Variants in ALKAL1 observed in about 807,000 individuals in gnomAD.
The protein encoded by ALKAL1 is AUG-beta.
Under a neutral mutation model 13.5 loss-of-function variants are expected in ALKAL1, and 23 were observed. The ratio of observed to expected loss-of-function variants is 1.70; its 90% CI spans 1.23 to 2.41. The LOEUF (loss-of-function observed/expected upper bound fraction) is 2.41, where lower values mean the gene tolerates loss of function less well. Ranked by LOEUF, ALKAL1 falls within the 30% of genes most tolerant of loss-of-function variation. The pLI, the probability that ALKAL1 is intolerant of heterozygous loss-of-function variation, is 0.00. For missense variants in ALKAL1, 181 were observed against 178.4 expected (o/e 1.01, Z -0.08); for synonymous variants, 85 against 77.7 (o/e 1.09, Z -0.49).
chr8:52,535,324 G>A (rs1400784592), intron 4 of ALKAL1, among the ~76,000 whole-genome samples: 1 of 151,130 alleles, frequency 6.6e-6, no homozygotes, highest in African/African-American at 2.4e-5. Context: ...AAGATGGGAG[G>A]ATCACTTGAG....
intron 1 of ALKAL1, among the ~76,000 whole-genome samples, chr8:52,556,868 G>T (rs145762620): frequency 6.6e-6 from 1 of 151,928 alleles, no homozygotes; most frequent in Non-Finnish European, 1.5e-5. Context: ...TTAAGGTGTG[G>T]CTATTTTAAC....
In ALKAL1 at chr8:52,558,157, C is replaced by T. The variant is rs188819355; in HGVS notation, c.190+6910G>A. On this transcript the variant is annotated intron_variant, in intron 1 of 4. Coordinates refer to ENST00000358543, the MANE Select transcript of ALKAL1 (RefSeq NM_207413.4). ...ACATATATATATACACGTATATATA[C>T]ACACGTATATATATACACACACATA... Among the ~76,000 whole-genome samples the T allele has an allele frequency of 2.7e-5, 4 of 149,376 alleles. No homozygotes were observed. The East Asian group carries it at 5.9e-4, about 22-fold the overall frequency.
intron 1 of ALKAL1, among the ~76,000 whole-genome samples, chr8:52,543,737 T>A (rs1260666823): frequency 6.6e-6 from 1 of 152,110 alleles, no homozygotes; most frequent in Non-Finnish European, 1.5e-5. Context: ...AAACAACAAA[T>A]TGGCTTCTGT....
At chr8:52,557,044 T>A (rs560467704) in intron 1 of ALKAL1, among the ~76,000 whole-genome samples, 18 of 152,354 alleles carry the variant, frequency 1.2e-4, no homozygotes, top group Non-Finnish European at 2.2e-4. Context: ...TAAGAAAAAG[T>A]TACACAAACA....
Position 52,565,249 on chromosome 8 carries a change from G to C in ALKAL1, c.8C>G (p.Pro3Arg). Residue 3 changes from proline (P) to arginine (R), a missense_variant, in exon 1 of 5, where the codon CCC (proline) becomes CGC (arginine). Coordinates refer to ENST00000358543, the MANE Select transcript of ALKAL1 (RefSeq NM_207413.4). Reference sequence around the variant, plus strand: ...GGGCAAAGGGGCGCCGGGCTTAAGGGGCCGCATGTTCGCAAGCCGGGAGGA... The same window carrying C: ...GGGCAAAGGGGCGCCGGGCTTAAGGCGCCGCATGTTCGCAAGCCGGGAGGA... Reference protein sequence around the residue: MRPLKPGAPLPAL... With the variant: MRRLKPGAPLPAL... The C allele has an allele frequency of 7.6e-7, 1 of 1,313,120 alleles. No individual in the cohort carries two copies. The highest frequency in any genetic ancestry group is 9.8e-7 in the Non-Finnish European group (1 of 1,024,126). The allele number at this position is 1,313,120 out of a possible 1,614,324, so 81.3% of individuals were successfully genotyped here. A position where few individuals can be genotyped will look rare whatever the true frequency, so the allele number is the denominator to read the frequency against.
At chr8:52,550,672 A>G (rs143949116) in intron 1 of ALKAL1, among the ~76,000 whole-genome samples, 239 of 152,238 alleles carry the variant, frequency 1.6e-3, no homozygotes, top group African/African-American at 5.5e-3. Context: ...TCTTGAGGGA[A>G]GGATCCTTCC....
chr8:52,559,344 G>C (rs1033618256), intron 1 of ALKAL1, among the ~76,000 whole-genome samples: 1 of 152,120 alleles, frequency 6.6e-6, no homozygotes, highest in Admixed American at 6.6e-5. Flanking sequence ...TAGAGCTGTG[G>C]GTACATGCAA....
At chr8:52,536,880 A>G (rs1259755093) in intron 4 of ALKAL1, among the ~76,000 whole-genome samples, 2 of 152,246 alleles carry the variant, frequency 1.3e-5, no homozygotes, top group Non-Finnish European at 2.9e-5. Context: ...AGGATATTTT[A>G]AACTAATTCA....
intron 4 of ALKAL1, among the ~76,000 whole-genome samples, chr8:52,536,594 T>C (rs1221666905): frequency 2.0e-5 from 3 of 152,230 alleles, no homozygotes; most frequent in African/African-American, 7.2e-5. Flanking sequence ...CATTATCTTT[T>C]TTATTCTTTG....
intron 4 of ALKAL1, among the ~76,000 whole-genome samples, chr8:52,536,512 C>G (rs1847268349): frequency 6.6e-6 from 1 of 152,110 alleles, no homozygotes; most frequent in Non-Finnish European, 1.5e-5. Flanking sequence ...ATAAATTAGC[C>G]AGAATGAAAA....
intron 1 of ALKAL1, among the ~76,000 whole-genome samples, chr8:52,542,871 A>C (rs2150344410): frequency 6.6e-6 from 1 of 152,302 alleles, no homozygotes; most frequent in East Asian, 1.9e-4. Flanking sequence ...CACCTTCAAC[A>C]AATTATTCCA....
At chr8:52,559,368 G>C (rs1847515820) in intron 1 of ALKAL1, among the ~76,000 whole-genome samples, 1 of 152,186 alleles carries the variant, frequency 6.6e-6, no homozygotes, top group Non-Finnish European at 1.5e-5. Flanking sequence ...TGGAGGGAGG[G>C]CAGACAGTGA....
Position 52,565,367 on chromosome 8 carries a change from C to G in ALKAL1, c.-111G>C. ...CGGGACCACAGCGCGGCTACGCGGCCGGCCGCAGTCTTCACCGCGCGCCTG... is the reference window on the plus strand; with the variant it reads ...CGGGACCACAGCGCGGCTACGCGGCGGGCCGCAGTCTTCACCGCGCGCCTG... On this transcript the variant is annotated 5_prime_UTR_variant, in exon 1 of 5. Coordinates refer to ENST00000358543, the MANE Select transcript of ALKAL1 (RefSeq NM_207413.4). The G allele has an allele frequency of 1.1e-6, 1 of 882,364 alleles. No homozygotes were observed. The allele number at this position is 882,364 out of a possible 1,614,324, so 54.7% of individuals were successfully genotyped here.
At chr8:52,555,509 T>C (rs1416981819) in intron 1 of ALKAL1, among the ~76,000 whole-genome samples, 1 of 151,992 alleles carries the variant, frequency 6.6e-6, no homozygotes, top group Non-Finnish European at 1.5e-5. Context: ...AGATAATGAA[T>C]ATATAAATTT....
At position 52,534,302 on chromosome 8, in the gene ALKAL1, C is replaced by G. The variant is rs1228721046; in HGVS notation, c.*311G>C. ...ATTAAATGTTTAATTAGAATGTTAACCATATAAAGAAAATAATATATCTAG... is the reference window on the plus strand; with the variant it reads ...ATTAAATGTTTAATTAGAATGTTAAGCATATAAAGAAAATAATATATCTAG... On this transcript the variant is annotated 3_prime_UTR_variant, in exon 5 of 5. Transcript: ENST00000358543. 2 of 231,616 alleles carry G rather than the reference C, an allele frequency of 8.6e-6. No individual in the cohort carries two copies. Among genetic ancestry groups the G allele is most frequent in the Middle Eastern group, 1.4e-3 (1 of 718 alleles). The allele number at this position is 231,616 out of a possible 1,614,324, so 14.3% of individuals were successfully genotyped here.
In ALKAL1 at chr8:52,539,830, C is replaced by T. The variant is rs1378078528; in HGVS notation, c.325+1G>A. 6.3e-7 allele frequency: 1 copy of T among 1,583,094 alleles called. No individual in the cohort carries two copies. The stretch of plus-strand genomic sequence containing the variant: ...AAAAAAAACCCACCCAAGTTACTTA[C>T]AAGCTGGCGTTGAGCACTCCCTGGT... On this transcript the variant is annotated splice_donor_variant, in intron 3 of 4. Coordinates refer to ENST00000358543, the MANE Select transcript of ALKAL1 (RefSeq NM_207413.4). LOFTEE classifies it high-confidence loss of function.
intron 4 of ALKAL1, among the ~76,000 whole-genome samples, chr8:52,538,045 C>T (rs207469171): frequency 3.3e-5 from 5 of 150,434 alleles, no homozygotes; most frequent in African/African-American, 9.8e-5. Flanking sequence ...GCAGAGATCG[C>T]GCCACTGCAC....
chr8:52,549,316 C>T (rs1257187594), intron 1 of ALKAL1, among the ~76,000 whole-genome samples: 1 of 151,846 alleles, frequency 6.6e-6, no homozygotes, highest in Non-Finnish European at 1.5e-5. Context: ...ACCTTTATTA[C>T]AGCAGTACTG....
intron 1 of ALKAL1, among the ~76,000 whole-genome samples, chr8:52,551,308 T>TTATTTG (rs1288579123): frequency 6.6e-6 from 1 of 152,086 alleles, no homozygotes; most frequent in African/African-American, 2.4e-5. Context: ...ATTTTTATTT[T>TTATTTG]TTTAGAGACA....
Sources: gnomAD v4.1 joint callset for allele counts (sites outside exome capture counted in the v4.1 genomes callset) on GRCh38, gnomAD v4.1.1 for gene constraint, MANE v1.5 for transcripts, NCBI Gene and HGNC (gene_info 2026-07-23, HGNC 2026-07-21) for gene names.